Variants in CFAP221 observed in about 807,000 individuals in gnomAD.
CFAP221 encodes cilia- and flagella-associated protein 221.
A neutral mutation model predicts 113.1 loss-of-function variants in CFAP221; 97 were observed. The ratio of observed to expected loss-of-function variants is 0.86; its 90% CI spans 0.73 to 1.02. The LOEUF (loss-of-function observed/expected upper bound fraction) is 1.02, where lower values mean the gene tolerates loss of function less well. Among genes scored for constraint, CFAP221 ranks in the 50% least tolerant of loss-of-function variants. CFAP221 has a pLI of 0.00. For synonymous variants in CFAP221, 331 were observed against 354.4 expected (o/e 0.93, Z 0.74); for missense variants, 1,025 against 1,013.4 (o/e 1.01, Z -0.16).
At chr2:119,572,570 A>G (rs1254569143) in intron 6 of CFAP221, 1 of 700,930 alleles carries the variant, frequency 1.4e-6, no homozygotes, top group East Asian at 2.7e-5. Flanking sequence ...GGTACCAGAT[A>G]ACTAGTTGAA....
At chr2:119,559,888 G>A in intron 4 of CFAP221, 40 bp from the exon 5 acceptor site, 1 of 1,505,508 alleles carries the variant, frequency 6.6e-7, no homozygotes, top group South Asian at 1.2e-5. Flanking sequence ...TCTCTGTGCA[G>A]TCCGGGGCTT....
rs192943145 is a variant in CFAP221, at chr2:119,606,642, G to A, written c.1133+1353G>A. ...CTGAAAACATGTTTTTTTACATATA[G>A]AGAAGGAAAAAAAATCACGGTGATG... On this transcript the variant is annotated intron_variant, in intron 11 of 23. Transcript: ENST00000413369. 1.2e-3 allele frequency among the ~76,000 whole-genome samples: 177 copies of A among 152,060 alleles called. 1 individual carries two copies. The highest frequency in any genetic ancestry group is 4.1e-3 in the African/African-American group (170 of 41,444).
At chr2:119,603,243 C>T (rs2293128) in intron 8 of CFAP221, among the ~76,000 whole-genome samples, 141,371 of 152,212 alleles carry the variant, frequency 0.93, 66,291 homozygotes, top group South Asian at 0.99. Context: ...TCTTCATTTC[C>T]GTCATCGACG....
In CFAP221 at chr2:119,627,722, C is replaced by T. The variant is rs368635059; in HGVS notation, c.1586C>T (p.Ser529Leu). The T allele has an allele frequency of 5.6e-6, 9 of 1,613,816 alleles. No homozygotes were observed. In the East Asian group the frequency reaches 6.7e-5, roughly 12 times the overall value. ...QDDYTSRFSV[S>L]PKEVLPFAFP... ...GATTATACCAGCCGGTTCTCTGTGT[C>T]GCCCAAGGAGGTGCTGCCCTTCGCT... Residue 529 changes from serine (S) to leucine (L), a missense_variant, in exon 16 of 24, where the codon TCG becomes TTG. Transcript: ENST00000413369.
At chr2:119,591,793 A>G (rs553592556) in intron 7 of CFAP221, among the ~76,000 whole-genome samples, 2 of 152,264 alleles carry the variant, frequency 1.3e-5, no homozygotes, top group Admixed American at 1.3e-4. Context: ...GTCTTCCAGG[A>G]GGCTGGAAGA....
chr2:119,627,598 T>C, intron 15 of CFAP221, 55 bp from the exon 16 acceptor site: 2 of 1,554,002 alleles, frequency 1.3e-6, no homozygotes, highest in Non-Finnish European at 1.8e-6. Flanking sequence ...ATATGGTGAT[T>C]TCCCATAAAA....
intron 8 of CFAP221, chr2:119,602,599 TC>T (rs1356776185): frequency 3.0e-6 from 3 of 984,124 alleles, no homozygotes; most frequent in Non-Finnish European, 3.6e-6. Flanking sequence ...TCATGATTTT[TC>T]TTCCTAAAAA....
rs1053954357 is a variant in CFAP221 at position 119,606,902 on chromosome 2, G to GCA, written c.1134-1590_1134-1589dup. 2.4e-4 allele frequency among the ~76,000 whole-genome samples: 37 copies of GCA among 152,010 alleles called. No individual in the cohort carries two copies. In the South Asian group the frequency reaches 2.5e-3, roughly 10 times the overall value. On this transcript the variant is annotated intron_variant, in intron 11 of 23. Transcript: ENST00000413369. ...ACACTTCCCCTCACTCCACACACAT[G>GCA]CACACACACACCTGCATGCACCTTT...
chr2:119,575,062 A>T (rs1006346762), intron 6 of CFAP221, among the ~76,000 whole-genome samples: 1 of 152,140 alleles, frequency 6.6e-6, no homozygotes, highest in Non-Finnish European at 1.5e-5. Flanking sequence ...AAACGTTATT[A>T]TGGGTCATTT....
chr2:119,584,926 G>A (rs2104609991), intron 6 of CFAP221, among the ~76,000 whole-genome samples: 1 of 152,280 alleles, frequency 6.6e-6, no homozygotes, highest in South Asian at 2.1e-4. Flanking sequence ...CTAACCAGAA[G>A]TCCCATTTGG....
intron 23 of CFAP221, 197 bp from the exon 24 acceptor site, chr2:119,656,165 G>A (rs2104827471): frequency 1.9e-6 from 1 of 533,672 alleles, no homozygotes; most frequent in East Asian, 3.2e-5. Context: ...TGCAGCTGAG[G>A]CCAGAAGCCA....
intron 3 of CFAP221, among the ~76,000 whole-genome samples, chr2:119,558,834 C>A (rs543828162): frequency 2.6e-5 from 4 of 152,044 alleles, no homozygotes; most frequent in African/African-American, 4.8e-5. Context: ...AAATAAAAAA[C>A]AAAAAACCAA....
chr2:119,615,748 C>T (rs753712663), intron 14 of CFAP221, 39 bp downstream of exon 14: 2 of 1,479,678 alleles, frequency 1.4e-6, no homozygotes, highest in South Asian at 2.4e-5. Context: ...GATTTGTTTA[C>T]TCATCAGCAT....
intron 2 of CFAP221, among the ~76,000 whole-genome samples, chr2:119,547,432 G>A (rs888971648): frequency 1.3e-5 from 2 of 151,956 alleles, no homozygotes; most frequent in African/African-American, 4.8e-5. Context: ...GGTGGCAGGC[G>A]CCTGTAATCT....
At chr2:119,550,418 A>G (rs1680338535) in intron 3 of CFAP221, among the ~76,000 whole-genome samples, 2 of 152,240 alleles carry the variant, frequency 1.3e-5, no homozygotes, top group African/African-American at 4.8e-5. Flanking sequence ...TAGCGAGAAT[A>G]GATGAGGAGG....
chr2:119,564,588 A>G (rs978300938), intron 6 of CFAP221, among the ~76,000 whole-genome samples: 7 of 152,140 alleles, frequency 4.6e-5, no homozygotes, highest in African/African-American at 1.7e-4. Context: ...TACATTGTTT[A>G]GCTTTGCCAG....
chr2:119,657,866 C>T (rs1688490460), downstream of CFAP221, among the ~76,000 whole-genome samples: 1 of 152,166 alleles, frequency 6.6e-6, no homozygotes, highest in Non-Finnish European at 1.5e-5. Context: ...TGCAAGAATT[C>T]CACAGAAGCG....
chr2:119,560,026 G>A lies in CFAP221; in HGVS notation c.426G>A (p.Lys142=). 1.4e-6 allele frequency: 2 copies of A among 1,453,902 alleles called. No individual in the cohort carries two copies. The highest frequency in any genetic ancestry group is 1.3e-5 in the South Asian group (1 of 78,360). The allele number at this position is 1,453,902 out of a possible 1,614,324, so 90.1% of individuals were successfully genotyped here. The change falls in exon 5 of 24, where the codon AAG becomes AAA. Residue 142 remains lysine (K), a splice_region_variant and synonymous_variant. Transcript: ENST00000413369. ...ATGACTGCATCCGTGTTCACTGTAAGGTAGGTCTCTTAAAATTGCTTTTTT... is the reference window on the plus strand; with the variant it reads ...ATGACTGCATCCGTGTTCACTGTAAAGTAGGTCTCTTAAAATTGCTTTTTT... ...YYYDCIRVHC[K]GDDTLLVPIH...
chr2:119,610,320 A>G (rs1172917593), intron 12 of CFAP221, among the ~76,000 whole-genome samples: 1 of 152,142 alleles, frequency 6.6e-6, no homozygotes, highest in East Asian at 1.9e-4. Flanking sequence ...GAGTCCTGGC[A>G]GGTGACCCAG....
Sources: allele counts gnomAD v4.1 joint callset (sites outside exome capture counted in the v4.1 genomes callset), GRCh38; gene constraint gnomAD v4.1.1; transcripts MANE v1.5; gene names NCBI Gene and HGNC (gene_info 2026-07-23, HGNC 2026-07-21).